Variants in ADAMTS12 observed in about 807,000 individuals in gnomAD.
ADAMTS12 encodes the protein A disintegrin and metalloproteinase with thrombospondin motifs 12.
ADAMTS12 carries 118 observed loss-of-function variants against 167.8 expected under a neutral mutation model. The observed-to-expected ratio is 0.70, with a 90% CI of 0.61 to 0.82. The LOEUF (loss-of-function observed/expected upper bound fraction) is 0.82, where lower values mean the gene tolerates loss of function less well. Among genes scored for constraint, ADAMTS12 ranks in the 40% least tolerant of loss-of-function variants. The pLI is 0.00. For missense variants in ADAMTS12, 1,916 were observed against 1,998.8 expected, an observed-to-expected ratio of 0.96 and a Z score of 0.79; for synonymous variants, 704 against 716.9, an observed-to-expected ratio of 0.98 and a Z score of 0.29.
intron 1 of ADAMTS12, 56 bp from the exon 2 acceptor site, chr5:33,881,536 C>A: frequency 6.5e-7 from 1 of 1,548,906 alleles, no homozygotes; most frequent in Admixed American, 2.1e-5. Context: ...TAAAGCAAAG[C>A]CACTTTCGTT....
intron 19 of ADAMTS12, among the ~76,000 whole-genome samples, 183 bp downstream of exon 19, chr5:33,575,871 T>A (rs1463349636): frequency 6.6e-6 from 1 of 152,040 alleles, no homozygotes; most frequent in Non-Finnish European, 1.5e-5. Flanking sequence ...ATTTACATAA[T>A]TTTTTTTCCA....
intron 12 of ADAMTS12, among the ~76,000 whole-genome samples, chr5:33,631,646 T>C (rs184218659): frequency 1.3e-5 from 2 of 152,320 alleles, no homozygotes; most frequent in East Asian, 3.9e-4. Context: ...CATATGTATG[T>C]ATACAGAATA....
At chr5:33,669,595 A>C (rs1344154608) in intron 5 of ADAMTS12, among the ~76,000 whole-genome samples, 1 of 152,150 alleles carries the variant, frequency 6.6e-6, no homozygotes, top group African/African-American at 2.4e-5. Context: ...TACTTAAATT[A>C]ATATTACACT....
intron 2 of ADAMTS12, among the ~76,000 whole-genome samples, chr5:33,823,413 CCT>C (rs1241545279): frequency 2.0e-5 from 3 of 152,160 alleles, no homozygotes; most frequent in East Asian, 1.9e-4. Flanking sequence ...CTTTTGTTAT[CCT>C]CTCTTTTTTA....
chr5:33,855,574 G>C (rs1320403987), intron 2 of ADAMTS12, among the ~76,000 whole-genome samples: 1 of 152,170 alleles, frequency 6.6e-6, no homozygotes, highest in African/African-American at 2.4e-5. Flanking sequence ...TGGTTAAACA[G>C]GGAAACGAGT....
At chr5:33,673,825 C>T (rs1741805040) in intron 5 of ADAMTS12, among the ~76,000 whole-genome samples, 1 of 152,152 alleles carries the variant, frequency 6.6e-6, no homozygotes, top group Non-Finnish European at 1.5e-5. Flanking sequence ...TTCCTTTCTT[C>T]AAGATGTTCC....
intron 2 of ADAMTS12, among the ~76,000 whole-genome samples, chr5:33,821,518 G>T (rs1293827395): frequency 1.3e-5 from 2 of 152,056 alleles, no homozygotes; most frequent in Non-Finnish European, 1.5e-5. Context: ...TAATGTTTTA[G>T]GTCATACAAA....
chr5:33,803,744 C>T (rs918498968), intron 2 of ADAMTS12, among the ~76,000 whole-genome samples: 2 of 152,172 alleles, frequency 1.3e-5, no homozygotes, highest in African/African-American at 4.8e-5. Flanking sequence ...GCATCTTACA[C>T]GGCAGCAGGC....
At chr5:33,873,254 G>GT (rs1270250050) in intron 2 of ADAMTS12, among the ~76,000 whole-genome samples, 1 of 150,962 alleles carries the variant, frequency 6.6e-6, no homozygotes, top group African/African-American at 2.4e-5. Context: ...AAAGTGAGTT[G>GT]TTTTACTATA....
chr5:33,865,609 C>T (rs1749788712), intron 2 of ADAMTS12, among the ~76,000 whole-genome samples: 1 of 152,096 alleles, frequency 6.6e-6, no homozygotes, highest in Non-Finnish European at 1.5e-5. Flanking sequence ...TACTGGAAGT[C>T]CTAGACAGAG....
chr5:33,633,986 CT>C (rs1180038531), intron 12 of ADAMTS12, among the ~76,000 whole-genome samples: 3 of 152,110 alleles, frequency 2.0e-5, no homozygotes, highest in Non-Finnish European at 4.4e-5. Context: ...CCCTCACACT[CT>C]CTGATTAATC....
At chr5:33,738,982 T>C (rs1744469868) in intron 3 of ADAMTS12, among the ~76,000 whole-genome samples, 2 of 152,238 alleles carry the variant, frequency 1.3e-5, no homozygotes. Flanking sequence ...GACTCTATTC[T>C]TAGCACAACT....
intron 17 of ADAMTS12, among the ~76,000 whole-genome samples, chr5:33,590,899 T>C (rs746406706): frequency 7.8e-5 from 3 of 38,444 alleles, no homozygotes; most frequent in African/African-American, 1.2e-4. Context: ...TTCTTCTTCC[T>C]TTTTTTTTTT....
chr5:33,668,564 C>A (rs554845103), intron 5 of ADAMTS12, among the ~76,000 whole-genome samples: 2 of 152,192 alleles, frequency 1.3e-5, no homozygotes, highest in South Asian at 4.1e-4. Flanking sequence ...AGTGCAGTAG[C>A]ACAATCCTCC....
intron 3 of ADAMTS12, among the ~76,000 whole-genome samples, chr5:33,720,424 T>C (rs927056516): frequency 1.3e-5 from 2 of 152,112 alleles, no homozygotes; most frequent in South Asian, 2.1e-4. Context: ...AAATAGGTCA[T>C]GGAAATTCAA....
intron 1 of ADAMTS12, among the ~76,000 whole-genome samples, chr5:33,885,108 C>G (rs969072179): frequency 6.6e-6 from 1 of 152,108 alleles, no homozygotes; most frequent in Non-Finnish European, 1.5e-5. Context: ...CAGAAACCAA[C>G]AAGTGTGATT....
At chr5:33,671,863 TAC>T (rs745792180) in intron 5 of ADAMTS12, among the ~76,000 whole-genome samples, 9 of 133,618 alleles carry the variant, frequency 6.7e-5, no homozygotes, top group Admixed American at 2.2e-4. Flanking sequence ...CACCCCCACA[TAC>T]ACACACACAC....
Position 33,630,869 on chromosome 5 carries a change from A to G in ADAMTS12, c.1933T>C (p.Ser645Pro). ...ATGACAGCATCCAGCATTTTCTCAG[A>G]AAACTGGCCATCTATGGGTCGGCAG... Reference protein sequence around the residue: ...LYCRPIDGQFSEKMLDAVIDG... With the variant: ...LYCRPIDGQFPEKMLDAVIDG... Residue 645 changes from serine to proline, a missense_variant, in exon 13 of 24, where the codon TCT becomes CCT. By Grantham distance (74) the Ser-to-Pro change is moderately conservative (BLOSUM62 -1). Transcript: ENST00000504830. The G allele has an allele frequency of 3.1e-6, 5 of 1,613,738 alleles. No individual in the cohort carries two copies. The highest frequency in any genetic ancestry group is 4.2e-6 in the Non-Finnish European group (5 of 1,179,716).
At chr5:33,773,839 T>C (rs1745826061) in intron 2 of ADAMTS12, among the ~76,000 whole-genome samples, 1 of 152,138 alleles carries the variant, frequency 6.6e-6, no homozygotes, top group Admixed American at 6.5e-5. Flanking sequence ...AGTTGGCCCT[T>C]CATTGAAAGA....
Sources: allele counts gnomAD v4.1 joint callset (sites outside exome capture counted in the v4.1 genomes callset), GRCh38; gene constraint gnomAD v4.1.1; transcripts MANE v1.5; gene names NCBI Gene and HGNC (gene_info 2026-07-23, HGNC 2026-07-21).